Variants in TP53BP1 observed in about 807,000 individuals in gnomAD.
TP53BP1 encodes the protein tumor protein p53 binding protein 1.
TP53BP1 carries 61 observed loss-of-function variants against 200.8 expected under a neutral mutation model. The observed-to-expected ratio is 0.30, with a 90% CI of 0.25 to 0.38. The LOEUF (loss-of-function observed/expected upper bound fraction) is 0.38. Among genes scored for constraint, TP53BP1 ranks in the 10% least tolerant of loss-of-function variants. The pLI is 1.00. For missense variants in TP53BP1, 2,144 were observed against 2,371.9 expected, an observed-to-expected ratio of 0.90 and a Z score of 2.00; for synonymous variants, 822 against 844.3, an observed-to-expected ratio of 0.97 and a Z score of 0.46.
At chr15:43,417,417 C>G (rs995685887) in intron 21 of TP53BP1, among the ~76,000 whole-genome samples, 2 of 152,210 alleles carry the variant, frequency 1.3e-5, no homozygotes, top group South Asian at 4.1e-4. Context: ...CTTACTTGTT[C>G]ATCTCCTAGC....
intron 8 of TP53BP1, among the ~76,000 whole-genome samples, chr15:43,477,123 A>AC (rs2078895080): frequency 6.6e-6 from 1 of 152,092 alleles, no homozygotes; most frequent in Admixed American, 6.5e-5. Flanking sequence ...ACACAGTGAA[A>AC]CCCCATCTCT....
Position 43,422,452 on chromosome 15 carries a change from G to C in TP53BP1, c.3829-326C>G, listed in dbSNP as rs541568072. Among the ~76,000 whole-genome samples, 7 of 152,224 alleles carry C rather than the reference G, an allele frequency of 4.6e-5. No homozygotes were observed. The South Asian group carries it at 1.5e-3, about 32-fold the overall frequency. ...CATGGTACTATATTGGTAAGAAAGA[G>C]TTTATCTTTTTATTGGATAAGTTCA... On this transcript the variant is annotated intron_variant, in intron 18 of 27. Transcript: ENST00000382044.
chr15:43,421,220 C>T (rs761711659), intron 19 of TP53BP1, 46 bp from the exon 20 acceptor site: 1 of 1,599,610 alleles, frequency 6.3e-7, no homozygotes, highest in African/African-American at 1.3e-5. Flanking sequence ...GCTACTGAAT[C>T]TTTTCTTCAC....
chr15:43,451,208 A>T (rs1300643062), intron 12 of TP53BP1, among the ~76,000 whole-genome samples: 7 of 151,954 alleles, frequency 4.6e-5, no homozygotes, highest in African/African-American at 1.7e-4. Context: ...TTATACTTTA[A>T]GTTTTAGGGT....
chr15:43,403,708 T>C lies in TP53BP1; in HGVS notation c.*3675A>G. ...GTGTTTCACTGCCTGAATGAAATCC[T>C]AGATCTCTGTCACAGTTTTTGTTCG... On this transcript the variant is annotated 3_prime_UTR_variant, in exon 28 of 28. Coordinates refer to ENST00000382044, the MANE Select transcript of TP53BP1 (RefSeq NM_001141980.3). 2 of 1,613,078 alleles carry C rather than the reference T, an allele frequency of 1.2e-6. No homozygotes were observed. Among genetic ancestry groups the C allele is most frequent in the Non-Finnish European group, 1.7e-6 (2 of 1,179,914 alleles).
chr15:43,460,785 G>C (rs752074662), intron 11 of TP53BP1, among the ~76,000 whole-genome samples: 1 of 152,050 alleles, frequency 6.6e-6, no homozygotes, highest in Non-Finnish European at 1.5e-5. Context: ...CACTTTGGAA[G>C]GCCGAGGCAG....
chr15:43,436,102 C>T (rs932432692), intron 16 of TP53BP1, among the ~76,000 whole-genome samples: 1 of 152,002 alleles, frequency 6.6e-6, no homozygotes, highest in Non-Finnish European at 1.5e-5. Context: ...AGCCATTCTC[C>T]CACCTCAGCA....
chr15:43,501,285 T>G (rs1488879418), intron 1 of TP53BP1, among the ~76,000 whole-genome samples: 1 of 151,954 alleles, frequency 6.6e-6, no homozygotes, highest in African/African-American at 2.4e-5. Flanking sequence ...CACCACAGCC[T>G]TGAACTCCTG....
intron 17 of TP53BP1, 108 bp from the exon 18 acceptor site, chr15:43,428,276 G>A (rs2142996181): frequency 1.0e-6 from 1 of 959,762 alleles, no homozygotes; most frequent in Non-Finnish European, 1.6e-6. Flanking sequence ...TGAATCTAGT[G>A]TGACAGAATC....
rs151030215 is a variant in TP53BP1 at position 43,466,786 on chromosome 15, G to A, written c.1389+3072C>T. Among the ~76,000 whole-genome samples, 15 of 152,278 alleles carry A rather than the reference G, an allele frequency of 9.9e-5. No individual in the cohort carries two copies. The East Asian group carries it at 2.9e-3, about 29-fold the overall frequency. Reference sequence around the variant, plus strand: ...GTGGGAGGATGGCCTGAGTACAGAAGTTCGAGGTTACAGTGAGCTATGATT... The same window carrying A: ...GTGGGAGGATGGCCTGAGTACAGAAATTCGAGGTTACAGTGAGCTATGATT... On this transcript the variant is annotated intron_variant, in intron 11 of 27. Transcript: ENST00000382044.
Position 43,492,418 on chromosome 15 carries a change from G to A in TP53BP1, c.58C>T (p.Gln20Ter), listed in dbSNP as rs896066774. The A allele has an allele frequency of 1.9e-6, 3 of 1,614,038 alleles. No homozygotes were observed. Among genetic ancestry groups the A allele is most frequent in the Non-Finnish European group, 1.7e-6 (2 of 1,179,954 alleles). Residue 20 changes from glutamine (Q) to a stop codon, truncating the protein, a stop_gained, in exon 2 of 28, where the codon CAA becomes TAA. Coordinates refer to ENST00000382044, the MANE Select transcript of TP53BP1 (RefSeq NM_001141980.3). LOFTEE classifies it high-confidence loss of function. Reference sequence around the variant, plus strand: ...TCAATTATCAGGCAAGGAGTATCTTGCTGAGAGAAATCTGAATCCAACTGA... The same window carrying A: ...TCAATTATCAGGCAAGGAGTATCTTACTGAGAGAAATCTGAATCCAACTGA... ...GSQLDSDFSQQDTPCLIIEDS... is the reference protein window; with the variant it reads ...GSQLDSDFSQ
intron 8 of TP53BP1, among the ~76,000 whole-genome samples, chr15:43,476,616 C>G (rs45620431): frequency 6.6e-6 from 1 of 152,198 alleles, no homozygotes; most frequent in Non-Finnish European, 1.5e-5. Flanking sequence ...AAAAGAATTT[C>G]TTAAATAAAA....
chr15:43,477,253 T>C (rs1193522429), intron 8 of TP53BP1, among the ~76,000 whole-genome samples: 4 of 151,204 alleles, frequency 2.6e-5, no homozygotes, highest in East Asian at 3.9e-4. Flanking sequence ...TGAGCCGAGA[T>C]TGCGCCACTG....
chr15:43,506,435 G>A (rs984292443), intron 1 of TP53BP1, among the ~76,000 whole-genome samples: 10 of 152,186 alleles, frequency 6.6e-5, no homozygotes, highest in African/African-American at 2.4e-4. Context: ...AACCATTTGA[G>A]ATTTATACTA....
chr15:43,464,994 T>G (rs898647239), intron 11 of TP53BP1, among the ~76,000 whole-genome samples: 1 of 151,752 alleles, frequency 6.6e-6, no homozygotes, highest in Non-Finnish European at 1.5e-5. Context: ...GATAGATCAA[T>G]ACAAAAAAAG....
chr15:43,462,554 T>C (rs1299229054), intron 11 of TP53BP1, among the ~76,000 whole-genome samples: 1 of 151,948 alleles, frequency 6.6e-6, no homozygotes, highest in Non-Finnish European at 1.5e-5. Flanking sequence ...TAGCTCAAGC[T>C]ATCCTCCCAC....
rs768704764 is a variant in TP53BP1 at position 43,474,667 on chromosome 15, G to A, written c.1180+6C>T. On this transcript the variant is annotated splice_donor_region_variant and intron_variant, in intron 10 of 27. Transcript: ENST00000382044. ...TGAGATCAACAGACAGATCAAGAGA[G>A]CTCACCTTGTCTCCCTTCTTGCTCT... 8.2e-6 allele frequency: 13 copies of A among 1,594,186 alleles called. No individual in the cohort carries two copies. The highest frequency in any genetic ancestry group is 1.3e-5 in the African/African-American group (1 of 74,424).
intron 24 of TP53BP1, among the ~76,000 whole-genome samples, chr15:43,410,316 G>T (rs1475329532): frequency 6.6e-6 from 1 of 152,108 alleles, no homozygotes; most frequent in Middle Eastern, 3.2e-3. Context: ...TTAAGTGAAG[G>T]TTAGAAAATC....
At chr15:43,412,740 C>T in intron 24 of TP53BP1, 1 of 472,380 alleles carries the variant, frequency 2.1e-6, no homozygotes, top group Non-Finnish European at 4.4e-6. Context: ...GGCATTCAGA[C>T]CTGATTGACT....
Sources: gnomAD v4.1 joint callset for allele counts (sites outside exome capture counted in the v4.1 genomes callset) on GRCh38, gnomAD v4.1.1 for gene constraint, MANE v1.5 for transcripts, NCBI Gene and HGNC (gene_info 2026-07-23, HGNC 2026-07-21) for gene names.